ENOSF1: variants seen among roughly 807,000 people sequenced by gnomAD.
The protein encoded by ENOSF1 is enolase superfamily member 1, also known as mitochondrial enolase superfamily member 1.
ENOSF1 carries 73 observed loss-of-function variants against 68.2 expected under a neutral mutation model. That is an observed-to-expected ratio of 1.07 (90% CI 0.89 to 1.30). The LOEUF is 1.30. Among genes scored for constraint, ENOSF1 ranks in the 50% most tolerant of loss-of-function variants. ENOSF1 has a pLI of 0.00. For missense variants in ENOSF1, 589 were observed against 554.5 expected (o/e 1.06, Z -0.62); for synonymous variants, 223 against 210.4 (o/e 1.06, Z -0.52).
intron 3 of ENOSF1, among the ~76,000 whole-genome samples, chr18:696,037 G>T (rs778236869): frequency 2.0e-5 from 3 of 152,074 alleles, no homozygotes; most frequent in Non-Finnish European, 4.4e-5. Context: ...TCAGGGTATT[G>T]AATTCACCTT....
chr18:666,978 TG>T (rs2074842680), downstream of ENOSF1, among the ~76,000 whole-genome samples: 4 of 11,530 alleles, frequency 3.5e-4, no homozygotes, highest in African/African-American at 1.3e-3. Flanking sequence ...GTGATGGAGA[TG>T]GAGATGGTGA....
chr18:677,291 G>T, intron 14 of ENOSF1, 54 bp downstream of exon 14: 3 of 1,427,512 alleles, frequency 2.1e-6, no homozygotes, highest in Non-Finnish European at 3.0e-6. Flanking sequence ...ACAAGCTCTG[G>T]CCTGGATTGA....
downstream of ENOSF1, among the ~76,000 whole-genome samples, chr18:666,932 G>A (rs1416617651): frequency 6.7e-5 from 4 of 59,632 alleles, no homozygotes; most frequent in Admixed American, 4.3e-4. Context: ...GATGGTGATG[G>A]TGATGGAGAT....
Position 683,334 on chromosome 18 carries a change from C to G in ENOSF1, c.788G>C (p.Trp263Ser). ...CTTGAACTTGGCCAGCTTGGACATC[C>G]ACTCCACCGCCTCAGGCACATCCCA... ...QRWDVPEAVE[W>S]MSKLAKFKPL... is the part of the protein sequence containing the mutation. The change falls in exon 11 of 16, where the codon TGG becomes TCG. Residue 263 changes from tryptophan to serine, a missense_variant. By Grantham distance (177) the Trp-to-Ser change is radical (BLOSUM62 -3). Coordinates refer to ENST00000647584, the MANE Select transcript of ENOSF1 (RefSeq NM_017512.7). 3.7e-6 allele frequency: 6 copies of G among 1,614,166 alleles called. No homozygotes were observed. The highest frequency in any genetic ancestry group is 5.1e-6 in the Non-Finnish European group (6 of 1,180,038).
chr18:707,210 GA>G (rs1158028796), intron 1 of ENOSF1, among the ~76,000 whole-genome samples: 1 of 152,084 alleles, frequency 6.6e-6, no homozygotes, highest in Non-Finnish European at 1.5e-5. Flanking sequence ...TAAAAAAATA[GA>G]GATGGAGTCT....
At chr18:708,676 G>C (rs984614595) in intron 1 of ENOSF1, among the ~76,000 whole-genome samples, 1 of 152,134 alleles carries the variant, frequency 6.6e-6, no homozygotes, top group Non-Finnish European at 1.5e-5. Context: ...AATGTGAGCT[G>C]GCCGGTCAAG....
rs776526605 is a variant in ENOSF1 at position 678,725 on chromosome 18, A to G, written c.889T>C (p.Leu297=). Residue 297 remains leucine (L), a synonymous_variant, in exon 12 of 16, where the codon TTA becomes CTA. Coordinates refer to ENST00000647584, the MANE Select transcript of ENOSF1 (RefSeq NM_017512.7). ...HATISKALVP[L]GIGIATGEQC... is the part of the protein sequence containing the mutation. ...TCTCCTGTGGCAATGCCAATTCCTA[A>G]TGGGACCAGTGCCTATAAAATAGAA... 6.2e-7 allele frequency: 1 copy of G among 1,614,152 alleles called. No homozygotes were observed. The highest frequency in any genetic ancestry group is 1.1e-5 in the South Asian group (1 of 91,078).
Position 671,469 on chromosome 18 carries a change from T to C in ENOSF1, c.*2836A>G, listed in dbSNP as rs372108627. The C allele has an allele frequency of 2.1e-4, 326 of 1,567,576 alleles. No homozygotes were observed. The highest frequency in any genetic ancestry group is 2.8e-4 in the Non-Finnish European group (315 of 1,138,500). ...AAATTCAGGTAAGAATTAGATGTTA[T>C]ACTTTTGGGTTTGGTACCTTCTCTT... On this transcript the variant is annotated 3_prime_UTR_variant, in exon 16 of 16. Transcript: ENST00000647584.
chr18:703,735 CCT>C (rs1205319382), intron 2 of ENOSF1, among the ~76,000 whole-genome samples: 23 of 152,250 alleles, frequency 1.5e-4, no homozygotes, highest in African/African-American at 4.3e-4. Flanking sequence ...GAAGTTACCC[CCT>C]GAGATGGTTT....
chr18:677,395 C>G lies in ENOSF1; in HGVS notation c.1098G>C (p.Gln366His). 1 of 1,613,766 alleles carries G rather than the reference C, an allele frequency of 6.2e-7. No homozygotes were observed. Among genetic ancestry groups the G allele is most frequent in the Non-Finnish European group, 8.5e-7 (1 of 1,179,954 alleles). ...AGGVGLCELV[Q>H]HLIIFDYISV... The stretch of plus-strand genomic sequence containing the variant: ...ATATGTAGTCAAATATAATCAGGTG[C>G]TGCACCAGTTCACAGAGGCCAACTC... Residue 366 changes from glutamine (Q) to histidine (H), a missense_variant, in exon 14 of 16, where the codon CAG becomes CAC. Coordinates refer to ENST00000647584, the MANE Select transcript of ENOSF1 (RefSeq NM_017512.7).
chr18:681,725 G>A (rs147538256), intron 11 of ENOSF1, among the ~76,000 whole-genome samples: 27 of 152,210 alleles, frequency 1.8e-4, no homozygotes, highest in African/African-American at 5.5e-4. Context: ...CACACCCAAC[G>A]TTCTCCTCAA....
intron 10 of ENOSF1, 128 bp from the exon 11 acceptor site, chr18:683,508 G>C: frequency 9.3e-7 from 1 of 1,074,512 alleles, no homozygotes; most frequent in Non-Finnish European, 1.4e-6. Flanking sequence ...TAACGCCTCT[G>C]CTGAGGCCCA....
downstream of ENOSF1, chr18:667,617 G>GGGTGAT (rs1555639873): frequency 2.1e-5 from 1 of 46,618 alleles, no homozygotes; most frequent in East Asian, 4.7e-4. Flanking sequence ...TGATGGAGAT[G>GGGTGAT]GGTGATGGTG....
At position 711,066 on chromosome 18, in the gene ENOSF1, A is replaced by T. The variant is rs553560968; in HGVS notation, c.84+1438T>A. 2.1e-4 allele frequency among the ~76,000 whole-genome samples: 32 copies of T among 152,212 alleles called. No homozygotes were observed. In the South Asian group the frequency reaches 6.6e-3, roughly 32 times the overall value. On this transcript the variant is annotated intron_variant, in intron 1 of 15. Coordinates refer to ENST00000647584, the MANE Select transcript of ENOSF1 (RefSeq NM_017512.7). ...ACACCTGTAGTCCCAGCTACTTGGG[A>T]GGCTGAGGTGGGAGGATTGGTTGAG... is the stretch of plus-strand genomic sequence containing the variant.
At chr18:697,803 T>C (rs1395348489) in intron 2 of ENOSF1, among the ~76,000 whole-genome samples, 1 of 152,150 alleles carries the variant, frequency 6.6e-6, no homozygotes, top group Non-Finnish European at 1.5e-5. Context: ...TTTCTTTTCT[T>C]TTCTTTTTTA....
chr18:664,930 T>C, the ENOSF1 span, among the ~76,000 whole-genome samples: 1 of 142,150 alleles, frequency 7.0e-6, no homozygotes, highest in Non-Finnish European at 1.5e-5. Flanking sequence ...CAGTATTTTA[T>C]TGAGGAATTT....
rs200914271 is a variant in ENOSF1 at position 694,292 on chromosome 18, C to T, written c.352G>A (p.Val118Ile). 1.7e-5 allele frequency: 28 copies of T among 1,614,158 alleles called. 1 individual carries two copies. The South Asian group carries it at 1.8e-4, about 10-fold the overall frequency. ...KGVVHLATAA[V>I]LNAVWDLWAK... ...CACAAGTCCCACACCGCGTTTAGGA[C>T]GGCCGCTGTCGCCAGGTGCACCACG... The change falls in exon 4 of 16, where the codon GTC (valine) becomes ATC (isoleucine). Residue 118 changes from valine to isoleucine, a missense_variant. By Grantham distance (29) the Val-to-Ile change is conservative (BLOSUM62 3). Coordinates refer to ENST00000647584, the MANE Select transcript of ENOSF1 (RefSeq NM_017512.7).
chr18:671,046 C>A lies in ENOSF1; in HGVS notation c.*3259G>T. 1 of 730,574 alleles carries A rather than the reference C, an allele frequency of 1.4e-6. No individual in the cohort carries two copies. Among genetic ancestry groups the A allele is most frequent in the Non-Finnish European group, 2.2e-6 (1 of 455,436 alleles). The allele number at this position is 730,574 out of a possible 1,614,324, so 45.3% of individuals were successfully genotyped here. On this transcript the variant is annotated 3_prime_UTR_variant, in exon 16 of 16. Coordinates refer to ENST00000647584, the MANE Select transcript of ENOSF1 (RefSeq NM_017512.7). Reference sequence around the variant, plus strand: ...TTCCTCTTCTGGAAGGTTTTCTGGCCCTGTGGTATACGCACTAACAGATCT... The same window carrying A: ...TTCCTCTTCTGGAAGGTTTTCTGGCACTGTGGTATACGCACTAACAGATCT...
At position 712,315 on chromosome 18, in the gene ENOSF1, G is replaced by T; in HGVS notation, c.84+189C>A. ...GAAGCTGCCCGGGGCCCGCAGAGCT[G>T]CAGTCGGCGGGGCGGGAGGGACCCG... On this transcript the variant is annotated intron_variant, in intron 1 of 15. Transcript: ENST00000647584. 8 of 1,477,284 alleles carry T rather than the reference G, an allele frequency of 5.4e-6. 3 individuals carry two copies. The highest frequency in any genetic ancestry group is 2.4e-5 in the South Asian group (2 of 82,332). 91.5% of individuals were successfully genotyped at this position (1,477,284 alleles called of 1,614,324 possible). A position where few individuals can be genotyped will look rare whatever the true frequency, so the allele number is the denominator to read the frequency against.
Sources: gnomAD v4.1 joint callset for allele counts (sites outside exome capture counted in the v4.1 genomes callset) on GRCh38, gnomAD v4.1.1 for gene constraint, MANE v1.5 for transcripts, NCBI Gene and HGNC (gene_info 2026-07-23, HGNC 2026-07-21) for gene names.